The following TMEM167A variants were observed in gnomAD, a reference collection of about 807,000 sequenced individuals.
TMEM167A encodes protein kish-A.
In TMEM167A, 8 loss-of-function variants were observed where a neutral mutation model predicts 11.6. The observed-to-expected ratio is 0.69, with a 90% CI of 0.40 to 1.24. The LOEUF is 1.24. Among genes scored for constraint, TMEM167A ranks in the 50% most tolerant of loss-of-function variants. TMEM167A has a pLI of 0.01. For missense variants in TMEM167A, 62 were observed against 87.0 expected, an observed-to-expected ratio of 0.71 and a Z score of 1.14; for synonymous variants, 22 against 28.0, an observed-to-expected ratio of 0.79 and a Z score of 0.67.
intron 3 of TMEM167A, 118 bp downstream of exon 3, chr5:83,061,759 G>C: frequency 2.0e-6 from 2 of 991,600 alleles, no homozygotes; most frequent in Non-Finnish European, 1.5e-6. Context: ...TTGCGAAAAT[G>C]CATAAAATTG....
chr5:83,067,767 C>T (rs1232477625), intron 1 of TMEM167A, among the ~76,000 whole-genome samples: 1 of 152,016 alleles, frequency 6.6e-6, no homozygotes, highest in Non-Finnish European at 1.5e-5. Flanking sequence ...CCCACCTTGG[C>T]CTCCTAAAGT....
intron 1 of TMEM167A, among the ~76,000 whole-genome samples, chr5:83,066,250 T>C (rs1345419909): frequency 3.3e-5 from 5 of 152,214 alleles, no homozygotes; most frequent in African/African-American, 7.2e-5. Flanking sequence ...GCCAGCAATA[T>C]GCTTGTTTAG....
intron 1 of TMEM167A, among the ~76,000 whole-genome samples, chr5:83,074,525 T>C (rs1744609687): frequency 6.6e-6 from 1 of 152,222 alleles, no homozygotes; most frequent in South Asian, 2.1e-4. Flanking sequence ...TTTGCAGAGT[T>C]TGTGAAAATC....
chr5:83,063,741 A>C (rs1744440068), intron 2 of TMEM167A, among the ~76,000 whole-genome samples: 1 of 152,026 alleles, frequency 6.6e-6, no homozygotes, highest in Middle Eastern at 3.2e-3. Flanking sequence ...AGTTGATTTA[A>C]AAAATGTAAT....
Position 83,057,102 on chromosome 5 carries a change from G to A in TMEM167A, c.201C>T (p.Ser67=), listed in dbSNP as rs148221840. Residue 67 remains serine, a synonymous_variant, in exon 4 of 4, where the codon AGC becomes AGT. Transcript: ENST00000502346. ...VAVCCIVMAF[S]ILFIQ ...TCCCCAGCTACTGTATGAAGAGGATGCTGAAGGCCATTACTATACAGCATA... is the reference window on the plus strand; with the variant it reads ...TCCCCAGCTACTGTATGAAGAGGATACTGAAGGCCATTACTATACAGCATA... The A allele has an allele frequency of 1.2e-6, 2 of 1,611,770 alleles. No homozygotes were observed. The highest frequency in any genetic ancestry group is 1.7e-5 in the Admixed American group (1 of 59,924).
intron 1 of TMEM167A, among the ~76,000 whole-genome samples, chr5:83,076,383 CAGTG>C (rs1744662008): frequency 6.6e-6 from 1 of 152,330 alleles, no homozygotes; most frequent in East Asian, 1.9e-4. Context: ...GCTAGTCTGA[CAGTG>C]AGATAATAAA....
intron 1 of TMEM167A, 79 bp downstream of exon 1, chr5:83,077,242 C>T: frequency 1.2e-6 from 2 of 1,604,622 alleles, no homozygotes; most frequent in South Asian, 2.2e-5. Flanking sequence ...CCCCGGGCTG[C>T]CGCACAAACT....
At chr5:83,077,219 C>T in intron 1 of TMEM167A, 102 bp downstream of exon 1, 2 of 1,568,104 alleles carry the variant, frequency 1.3e-6, no homozygotes, top group African/African-American at 1.3e-5. Flanking sequence ...CCTCTCAGCT[C>T]CGGGCCCACA....
chr5:83,057,228 T>TA, intron 3 of TMEM167A, 74 bp from the exon 4 acceptor site: 1 of 1,383,148 alleles, frequency 7.2e-7, no homozygotes, highest in Non-Finnish European at 1.0e-6. Context: ...TATACTACCA[T>TA]AAGAATCAAG....
At chr5:83,063,273 T>A (rs751030844) in intron 2 of TMEM167A, among the ~76,000 whole-genome samples, 36 of 152,226 alleles carry the variant, frequency 2.4e-4, no homozygotes, top group Middle Eastern at 3.4e-3. Flanking sequence ...GGACCCACCC[T>A]CAAAGGGTTG....
At chr5:83,064,479 A>G (rs1274458299) in intron 2 of TMEM167A, 5 of 404,928 alleles carry the variant, frequency 1.2e-5, no homozygotes, top group Non-Finnish European at 2.4e-5. Flanking sequence ...AAAGTCATCA[A>G]TAGGAATAAG....
At chr5:83,076,987 A>G (rs1446856703) in intron 1 of TMEM167A, among the ~76,000 whole-genome samples, 3 of 152,240 alleles carry the variant, frequency 2.0e-5, no homozygotes, top group African/African-American at 7.2e-5. Context: ...AGTTGCAACA[A>G]AACAAGCGGA....
At chr5:83,076,714 G>A (rs1744674241) in intron 1 of TMEM167A, among the ~76,000 whole-genome samples, 1 of 152,214 alleles carries the variant, frequency 6.6e-6, no homozygotes, top group Non-Finnish European at 1.5e-5. Flanking sequence ...AGGTAAAAGA[G>A]GAGGAAGGCC....
At chr5:83,066,884 C>A (rs1037612295) in intron 1 of TMEM167A, among the ~76,000 whole-genome samples, 1 of 152,104 alleles carries the variant, frequency 6.6e-6, no homozygotes, top group African/African-American at 2.4e-5. Context: ...GTTATAAAGC[C>A]ATGATGCTCC....
intron 1 of TMEM167A, among the ~76,000 whole-genome samples, chr5:83,065,764 T>C (rs1350490763): frequency 6.6e-6 from 1 of 152,192 alleles, no homozygotes; most frequent in Non-Finnish European, 1.5e-5. Flanking sequence ...ACTTAGCTTG[T>C]ATTTAATAGT....
intron 1 of TMEM167A, among the ~76,000 whole-genome samples, chr5:83,075,159 A>C (rs190658406): frequency 6.6e-6 from 1 of 152,242 alleles, no homozygotes; most frequent in African/African-American, 2.4e-5. Flanking sequence ...GCAACACCTT[A>C]TTGCTGTTTT....
chr5:83,072,868 G>A (rs1744583828), intron 1 of TMEM167A, among the ~76,000 whole-genome samples: 1 of 152,074 alleles, frequency 6.6e-6, no homozygotes, highest in South Asian at 2.1e-4. Context: ...GGTTATCAAA[G>A]GTGTGGTTCA....
rs1463287945 is a variant in TMEM167A, at chr5:83,052,924, T to TA, written c.*4159dup. The TA allele has an allele frequency of 6.6e-6, 1 of 151,944 alleles. No individual in the cohort carries two copies. The highest frequency in any genetic ancestry group is 6.6e-5 in the Admixed American group (1 of 15,202). The allele number at this position is 151,944 out of a possible 1,614,324, so 9.4% of individuals were successfully genotyped here. On this transcript the variant is annotated 3_prime_UTR_variant, in exon 4 of 4. Coordinates refer to ENST00000502346, the MANE Select transcript of TMEM167A (RefSeq NM_174909.5). ...AGATGTGCATGATTCTCTGTACTCT[T>TA]AAAATCACAGGAAATATAATTCCAC...
Position 83,074,404 on chromosome 5 carries a change from A to G in TMEM167A, c.3+2917T>C, listed in dbSNP as rs563444313. ...GTTCCCAGCCAGTACTACTCCTTCCACTGTGTTTAATGATTTTCTACATAT... is the reference window on the plus strand; with the variant it reads ...GTTCCCAGCCAGTACTACTCCTTCCGCTGTGTTTAATGATTTTCTACATAT... On this transcript the variant is annotated intron_variant, in intron 1 of 3. Transcript: ENST00000502346. 3.9e-5 allele frequency among the ~76,000 whole-genome samples: 6 copies of G among 152,272 alleles called. No homozygotes were observed. The South Asian group carries it at 6.2e-4, about 16-fold the overall frequency.
Sources: gnomAD v4.1 joint callset for allele counts (sites outside exome capture counted in the v4.1 genomes callset) on GRCh38, gnomAD v4.1.1 for gene constraint, MANE v1.5 for transcripts, NCBI Gene and HGNC (gene_info 2026-07-23, HGNC 2026-07-21) for gene names.